Variants in SULT6B1 observed in about 807,000 individuals in gnomAD.
The protein encoded by SULT6B1 is sulfotransferase 6B1.
SULT6B1 carries 44 observed loss-of-function variants against 37.2 expected under a neutral mutation model. The ratio of observed to expected loss-of-function variants is 1.18; its 90% CI spans 0.93 to 1.52. The LOEUF (loss-of-function observed/expected upper bound fraction) is 1.52, where lower values mean the gene tolerates loss of function less well. SULT6B1 is among the 40% of genes most tolerant of loss of function. The probability of loss-of-function intolerance (pLI) is 0.00; values close to 1 mark genes in which losing one functional copy is unlikely to be tolerated. For synonymous variants in SULT6B1, 140 were observed against 126.0 expected (o/e 1.11, Z -0.74); for missense variants, 450 against 361.0 (o/e 1.25, Z -2.00).
At position 37,168,069 on chromosome 2, in the gene SULT6B1, C is replaced by A. The variant is rs1441301063; in HGVS notation, c.782-4G>T. 2 of 1,577,252 alleles carry A rather than the reference C, an allele frequency of 1.3e-6. No homozygotes were observed. Among genetic ancestry groups the A allele is most frequent in the Non-Finnish European group, 8.6e-7 (1 of 1,169,550 alleles). ...TTTTTCCAATCACCAACTTCACCTA[C>A]AACACACAAAAAACAGTAGACCCAG... On this transcript the variant is annotated splice_region_variant and splice_polypyrimidine_tract_variant and intron_variant, in intron 6 of 6. Coordinates refer to ENST00000535679, the MANE Select transcript of SULT6B1 (RefSeq NM_001367551.1).
At chr2:37,184,009 A>G (rs76699849) in intron 2 of SULT6B1, among the ~76,000 whole-genome samples, 3,540 of 152,352 alleles carry the variant, frequency 0.023, 65 homozygotes, top group Middle Eastern at 0.055. Flanking sequence ...AAATAAACCA[A>G]TAATTAAAAT....
chr2:37,190,684 C>T (rs149008477), upstream of SULT6B1, among the ~76,000 whole-genome samples: 182 of 152,178 alleles, frequency 1.2e-3, no homozygotes, highest in African/African-American at 3.5e-3. Flanking sequence ...TAAAGTACCA[C>T]CTTAAATTTT....
At chr2:37,178,977 T>C (rs3054169) in intron 4 of SULT6B1, among the ~76,000 whole-genome samples, 14,512 of 141,250 alleles carry the variant, frequency 0.1, 1,371 homozygotes, top group African/African-American at 0.26. Context: ...TTGTTTGTTT[T>C]TTTGAGACAG....
At chr2:37,169,155 A>G (rs1676242016) in intron 6 of SULT6B1, among the ~76,000 whole-genome samples, 1 of 152,224 alleles carries the variant, frequency 6.6e-6, no homozygotes, top group South Asian at 2.1e-4. Context: ...TTACCTTAGA[A>G]TTGTCCTATT....
At chr2:37,171,287 A>AG (rs1676291764) in intron 6 of SULT6B1, 147 bp downstream of exon 6, 3 of 852,066 alleles carry the variant, frequency 3.5e-6, no homozygotes, top group Admixed American at 3.1e-5. Context: ...TGCCAGTTAC[A>AG]GCTCTGGAGA....
intron 2 of SULT6B1, among the ~76,000 whole-genome samples, chr2:37,184,106 A>G (rs1676619382): frequency 6.6e-6 from 1 of 152,216 alleles, no homozygotes. Context: ...CCACAATCAT[A>G]TCAAATCCAT....
At chr2:37,175,845 A>T (rs1238756858) in intron 4 of SULT6B1, among the ~76,000 whole-genome samples, 1 of 152,246 alleles carries the variant, frequency 6.6e-6, no homozygotes, top group Admixed American at 6.5e-5. Flanking sequence ...TTTTATTGAA[A>T]ATACTTGATG....
At chr2:37,188,376 G>A (rs1676716721) in intron 1 of SULT6B1, 66 bp downstream of exon 1, 1 of 1,395,230 alleles carries the variant, frequency 7.2e-7, no homozygotes, top group Non-Finnish European at 1.0e-6. Flanking sequence ...TCCCACCTTT[G>A]TCTCATACCC....
chr2:37,168,291 A>AGCTGGGATTACCGGC (rs1445887556), intron 6 of SULT6B1, among the ~76,000 whole-genome samples: 3 of 152,038 alleles, frequency 2.0e-5, no homozygotes, highest in Non-Finnish European at 4.4e-5. Context: ...CCTACCGAGT[A>AGCTGGGATTACCGGC]GCTGGGATTA....
chr2:37,177,677 T>C (rs574361447), intron 4 of SULT6B1, among the ~76,000 whole-genome samples: 1 of 152,294 alleles, frequency 6.6e-6, no homozygotes, highest in East Asian at 1.9e-4. Flanking sequence ...AATGATTTTA[T>C]ACCATATAAT....
At chr2:37,184,581 G>A (rs764965284) in intron 2 of SULT6B1, among the ~76,000 whole-genome samples, 16 of 152,190 alleles carry the variant, frequency 1.1e-4, no homozygotes, top group Non-Finnish European at 1.8e-4. Flanking sequence ...GTGATAAAAG[G>A]ATATTCAGAT....
chr2:37,168,974 G>A (rs1216324785), intron 6 of SULT6B1, among the ~76,000 whole-genome samples: 1 of 152,278 alleles, frequency 6.6e-6, no homozygotes, highest in East Asian at 1.9e-4. Flanking sequence ...GTTTACAAAT[G>A]TCATCAGCTA....
chr2:37,169,338 C>G (rs908543340), intron 6 of SULT6B1, among the ~76,000 whole-genome samples: 5 of 152,302 alleles, frequency 3.3e-5, no homozygotes, highest in African/African-American at 9.6e-5. Context: ...TGAAAAAGTA[C>G]AGTAGAGTCA....
At position 37,167,997 on chromosome 2, in the gene SULT6B1, C is replaced by G. The variant is rs1000110601; in HGVS notation, c.850G>C (p.Glu284Gln). ...QNQEMDEKFK[E>Q]CLAGTSLGAK... ...CCGAGGGAGGTGCCTGCTAAGCACTCTTTGAATTTTTCATCCATTTCCTGG... is the reference window on the plus strand; with the variant it reads ...CCGAGGGAGGTGCCTGCTAAGCACTGTTTGAATTTTTCATCCATTTCCTGG... The change falls in exon 7 of 7, where the codon GAG (glutamate) becomes CAG (glutamine). Residue 284 changes from glutamate to glutamine, a missense_variant. Glu to Gln is a conservative substitution (Grantham distance 29). Coordinates refer to ENST00000535679, the MANE Select transcript of SULT6B1 (RefSeq NM_001367551.1). The G allele has an allele frequency of 4.4e-6, 7 of 1,602,272 alleles. No individual in the cohort carries two copies. The African/African-American group carries it at 9.4e-5, about 22-fold the overall frequency.
chr2:37,183,624 C>G (rs893083472), intron 2 of SULT6B1, 110 bp from the exon 3 acceptor site: 1 of 738,532 alleles, frequency 1.4e-6, no homozygotes, highest in Non-Finnish European at 2.3e-6. Flanking sequence ...GCACTACTGT[C>G]ACTATATCTT....
chr2:37,190,361 G>C (rs1676757199), upstream of SULT6B1, among the ~76,000 whole-genome samples: 1 of 152,116 alleles, frequency 6.6e-6, no homozygotes, highest in Non-Finnish European at 1.5e-5. Context: ...AACCAGTGAA[G>C]AAGATGACTT....
intron 5 of SULT6B1, among the ~76,000 whole-genome samples, chr2:37,173,532 A>G (rs937767693): frequency 6.6e-6 from 1 of 152,064 alleles, no homozygotes; most frequent in African/African-American, 2.4e-5. Flanking sequence ...ACTAATAAAC[A>G]TCTCAAATTT....
upstream of SULT6B1, among the ~76,000 whole-genome samples, chr2:37,192,771 G>T (rs1316417668): frequency 6.6e-6 from 1 of 152,184 alleles, no homozygotes; most frequent in Non-Finnish European, 1.5e-5. Flanking sequence ...AAGACAATGG[G>T]TTGGATCTTG....
At chr2:37,175,854 T>C (rs1309783877) in intron 4 of SULT6B1, among the ~76,000 whole-genome samples, 1 of 152,238 alleles carries the variant, frequency 6.6e-6, no homozygotes, top group East Asian at 1.9e-4. Context: ...AAATACTTGA[T>C]GTATATTTAG....
Sources: allele counts gnomAD v4.1 joint callset (sites outside exome capture counted in the v4.1 genomes callset), GRCh38; gene constraint gnomAD v4.1.1; transcripts MANE v1.5; gene names NCBI Gene and HGNC (gene_info 2026-07-23, HGNC 2026-07-21).